Variants in FTCDNL1 observed in about 807,000 individuals in gnomAD.
FTCDNL1 encodes formiminotransferase cyclodeaminase N-terminal like.
FTCDNL1 carries 11 observed loss-of-function variants against 5.9 expected under a neutral mutation model. The ratio of observed to expected loss-of-function variants is 1.87; its 90% CI spans 1.18 to 3.10. The LOEUF is 3.10. FTCDNL1 is among the 30% of genes most tolerant of loss of function. FTCDNL1 has a pLI of 0.00. For synonymous variants in FTCDNL1, 58 were observed against 24.8 expected (o/e 2.34, Z -3.99); for missense variants, 115 against 65.5 (o/e 1.76, Z -2.61).
chr2:199,683,751 C>A, the FTCDNL1 span, among the ~76,000 whole-genome samples: 1 of 152,162 alleles, frequency 6.6e-6, no homozygotes, highest in East Asian at 1.9e-4. Flanking sequence ...TCAGGTGTTA[C>A]CTTATGGGTT....
At chr2:199,702,382 A>T in the FTCDNL1 span, among the ~76,000 whole-genome samples, 1 of 152,190 alleles carries the variant, frequency 6.6e-6, no homozygotes, top group African/African-American at 2.4e-5. Flanking sequence ...AAGAAACCCC[A>T]GAAGACCCTC....
intron 3 of FTCDNL1, among the ~76,000 whole-genome samples, chr2:199,822,606 A>T (rs1701768284): frequency 6.6e-6 from 1 of 152,148 alleles, no homozygotes; most frequent in African/African-American, 2.4e-5. Context: ...TCCTTTCACG[A>T]AAATTTCTCT....
At chr2:199,777,861 T>C (rs1699172224) in intron 3 of FTCDNL1, among the ~76,000 whole-genome samples, 1 of 152,096 alleles carries the variant, frequency 6.6e-6, no homozygotes, top group Non-Finnish European at 1.5e-5. Flanking sequence ...CAGGCTTTCT[T>C]ATCCTGCATG....
At chr2:199,752,181 T>C in the FTCDNL1 span, among the ~76,000 whole-genome samples, 1 of 152,130 alleles carries the variant, frequency 6.6e-6, no homozygotes, top group Non-Finnish European at 1.5e-5. Context: ...ATGCCTCGAC[T>C]TCCAGGCACA....
intron 3 of FTCDNL1, among the ~76,000 whole-genome samples, chr2:199,794,138 G>A (rs913601957): frequency 6.6e-6 from 1 of 152,116 alleles, no homozygotes; most frequent in African/African-American, 2.4e-5. Context: ...AATAGTAATG[G>A]ATATTAATCT....
the FTCDNL1 span, among the ~76,000 whole-genome samples, chr2:199,728,743 A>C: frequency 1.3e-5 from 2 of 152,210 alleles, no homozygotes; most frequent in African/African-American, 4.8e-5. Flanking sequence ...GATCACATTG[A>C]GCATGTACTG....
At chr2:199,806,712 G>A (rs1391519940), downstream of FTCDNL1, among the ~76,000 whole-genome samples, 3 of 151,886 alleles carry the variant, frequency 2.0e-5, no homozygotes, top group Non-Finnish European at 4.4e-5. Context: ...AATTTATCGT[G>A]AGTCAAGCCC....
intron 3 of FTCDNL1, among the ~76,000 whole-genome samples, chr2:199,790,226 G>A (rs561836114): frequency 3.3e-5 from 5 of 152,040 alleles, no homozygotes; most frequent in Non-Finnish European, 5.9e-5. Context: ...GGCTGGGCGC[G>A]GTGACTCATG....
At chr2:199,728,994 C>T in the FTCDNL1 span, among the ~76,000 whole-genome samples, 3 of 152,266 alleles carry the variant, frequency 2.0e-5, no homozygotes, top group Admixed American at 2.0e-4. Flanking sequence ...CATGAAGCAG[C>T]AGCTGTTGTC....
At chr2:199,725,677 G>A in the FTCDNL1 span, among the ~76,000 whole-genome samples, 3 of 152,088 alleles carry the variant, frequency 2.0e-5, no homozygotes, top group Non-Finnish European at 2.9e-5. Flanking sequence ...ATTCTGGGTT[G>A]GAAATTCTTT....
chr2:199,831,825 G>A (rs1276735974), intron 3 of FTCDNL1, among the ~76,000 whole-genome samples: 2 of 152,110 alleles, frequency 1.3e-5, no homozygotes, highest in African/African-American at 2.4e-5. Context: ...TAAATAAATG[G>A]TTGTGAGGAT....
chr2:199,815,461 A>G lies in FTCDNL1; in HGVS notation c.398-2737T>C, dbSNP rs533262923. On this transcript the variant is annotated intron_variant, in intron 4 of 4. Transcript: ENST00000420128. The stretch of plus-strand genomic sequence containing the variant: ...TCATTTCTATTTCATTTTTGTAGGG[A>G]AAAACATAAACATAGCAACAATGTG... Among the ~76,000 whole-genome samples, 94 of 152,294 alleles carry G rather than the reference A, an allele frequency of 6.2e-4. 2 individuals carry two copies. The South Asian group carries it at 0.019, about 30-fold the overall frequency.
intron 3 of FTCDNL1, among the ~76,000 whole-genome samples, chr2:199,770,061 A>G (rs566237366): frequency 6.6e-6 from 1 of 152,086 alleles, no homozygotes; most frequent in Non-Finnish European, 1.5e-5. Context: ...CTCATACTCT[A>G]CAGCTCCCAA....
the FTCDNL1 span, among the ~76,000 whole-genome samples, chr2:199,707,730 T>C: frequency 6.6e-6 from 1 of 152,140 alleles, no homozygotes; most frequent in South Asian, 2.1e-4. Flanking sequence ...GAATTCTAAG[T>C]TGACAAGTTC....
intron 3 of FTCDNL1, among the ~76,000 whole-genome samples, chr2:199,793,361 G>A (rs550126012): frequency 2.0e-5 from 3 of 152,134 alleles, no homozygotes; most frequent in East Asian, 3.9e-4. Flanking sequence ...GAGAATAGAC[G>A]GAGGAGGGGG....
At chr2:199,846,948 A>G (rs1371638378) in intron 2 of FTCDNL1, among the ~76,000 whole-genome samples, 2 of 152,230 alleles carry the variant, frequency 1.3e-5, no homozygotes, top group Admixed American at 6.5e-5. Context: ...TTATGCTATT[A>G]TACCTTGTCT....
chr2:199,750,859 C>A, the FTCDNL1 span, among the ~76,000 whole-genome samples: 1 of 152,220 alleles, frequency 6.6e-6, no homozygotes, highest in Non-Finnish European at 1.5e-5. Context: ...CATAATTTTG[C>A]CATGCCATCC....
intron 3 of FTCDNL1, among the ~76,000 whole-genome samples, chr2:199,792,522 C>A (rs888769367): frequency 6.6e-6 from 1 of 152,168 alleles, no homozygotes; most frequent in African/African-American, 2.4e-5. Flanking sequence ...GCAAACAGGG[C>A]AAAACCAAAT....
At chr2:199,808,639 C>T (rs1274878735), downstream of FTCDNL1, among the ~76,000 whole-genome samples, 1 of 152,130 alleles carries the variant, frequency 6.6e-6, no homozygotes, top group Non-Finnish European at 1.5e-5. Flanking sequence ...TTCAGGTAAC[C>T]GGCAAATGAA....
Sources: gnomAD v4.1 joint callset for allele counts (sites outside exome capture counted in the v4.1 genomes callset) on GRCh38, gnomAD v4.1.1 for gene constraint, MANE v1.5 for transcripts, NCBI Gene and HGNC (gene_info 2026-07-23, HGNC 2026-07-21) for gene names.